Variants in OSBPL1A observed in about 807,000 individuals in gnomAD.
The protein encoded by OSBPL1A is oxysterol binding protein like 1A.
OSBPL1A carries 80 observed loss-of-function variants against 137.1 expected under a neutral mutation model. The ratio of observed to expected loss-of-function variants is 0.58; its 90% CI spans 0.49 to 0.70. The LOEUF (loss-of-function observed/expected upper bound fraction) is 0.70, where lower values mean the gene tolerates loss of function less well. OSBPL1A is among the 30% of genes least tolerant of loss of function. The pLI is 0.00. For missense variants in OSBPL1A, 970 were observed against 1,129.4 expected (o/e 0.86, Z 2.02); for synonymous variants, 365 against 389.7 (o/e 0.94, Z 0.75).
At chr18:24,284,344 G>A (rs1290143286) in intron 14 of OSBPL1A, among the ~76,000 whole-genome samples, 1 of 152,156 alleles carries the variant, frequency 6.6e-6, no homozygotes, top group Admixed American at 6.5e-5. Context: ...AAAAAGGCCA[G>A]TATGTTGCCT....
chr18:24,290,518 TA>T (rs2090156819), intron 14 of OSBPL1A, among the ~76,000 whole-genome samples: 1 of 151,996 alleles, frequency 6.6e-6, no homozygotes, highest in Non-Finnish European at 1.5e-5. Flanking sequence ...CTGTCTTTAC[TA>T]AAAATACAAA....
At chr18:24,335,950 A>T (rs550547004) in intron 5 of OSBPL1A, among the ~76,000 whole-genome samples, 22 of 152,124 alleles carry the variant, frequency 1.4e-4, no homozygotes, top group African/African-American at 4.6e-4. Context: ...GACAGCCAAG[A>T]CTCTCTGTAG....
intron 14 of OSBPL1A, among the ~76,000 whole-genome samples, chr18:24,282,276 T>C (rs2089977706): frequency 6.6e-6 from 1 of 152,178 alleles, no homozygotes; most frequent in South Asian, 2.1e-4. Flanking sequence ...ACATTAAAAT[T>C]TCCTTTGTAG....
intron 12 of OSBPL1A, among the ~76,000 whole-genome samples, chr18:24,314,047 G>C (rs1401811310): frequency 6.6e-6 from 1 of 152,212 alleles, no homozygotes; most frequent in African/African-American, 2.4e-5. Context: ...AGAGGTTGCA[G>C]TGAGCTGAGA....
chr18:24,179,461 G>A lies in OSBPL1A; in HGVS notation c.1910+277C>T, dbSNP rs536642251. Among the ~76,000 whole-genome samples the A allele has an allele frequency of 1.2e-4, 18 of 150,976 alleles. No homozygotes were observed. The South Asian group carries it at 2.1e-3, about 18-fold the overall frequency. On this transcript the variant is annotated intron_variant, in intron 20 of 27. Coordinates refer to ENST00000319481, the MANE Select transcript of OSBPL1A (RefSeq NM_080597.4). ...AAAAAAAAAAAACAAAACAAAACTC[G>A]ATCATGTCTCATGATCTACATAAGG...
chr18:24,217,924 TGGAA>T (rs1316211665), intron 17 of OSBPL1A, among the ~76,000 whole-genome samples: 3 of 152,106 alleles, frequency 2.0e-5, no homozygotes, highest in African/African-American at 7.2e-5. Context: ...AAAGAACATG[TGGAA>T]TGATACCCCA....
chr18:24,272,206 G>A, intron 15 of OSBPL1A: 4 of 983,630 alleles, frequency 4.1e-6, no homozygotes, highest in Non-Finnish European at 4.8e-6. Context: ...TGTGCGCTCG[G>A]CCCTCTCCTG....
intron 17 of OSBPL1A, among the ~76,000 whole-genome samples, chr18:24,211,689 C>T (rs1406975400): frequency 6.6e-6 from 1 of 151,632 alleles, no homozygotes; most frequent in African/African-American, 2.4e-5. Context: ...TTCGGCCAGG[C>T]GCAGTGTCTC....
At chr18:24,266,236 C>G (rs748692254) in intron 15 of OSBPL1A, among the ~76,000 whole-genome samples, 1 of 152,152 alleles carries the variant, frequency 6.6e-6, no homozygotes, top group Non-Finnish European at 1.5e-5. Flanking sequence ...GCTTTCCCCA[C>G]GCTCTCCCTG....
rs1331265849 is a variant in OSBPL1A at position 24,162,606 on chromosome 18, T to C, written c.*573A>G. On this transcript the variant is annotated 3_prime_UTR_variant, in exon 28 of 28. Transcript: ENST00000319481. The stretch of plus-strand genomic sequence containing the variant: ...AGAATTTTCAAATCAGAAATATCTA[T>C]TCTGAATATTCAGGCATTTTTTTTC... The C allele has an allele frequency of 6.6e-6, 1 of 152,240 alleles. No homozygotes were observed. Among genetic ancestry groups the C allele is most frequent in the Non-Finnish European group, 1.5e-5 (1 of 68,052 alleles). 9.4% of individuals were successfully genotyped at this position (152,240 alleles called of 1,614,324 possible). A position where few individuals can be genotyped will look rare whatever the true frequency, so the allele number is the denominator to read the frequency against.
intron 11 of OSBPL1A, among the ~76,000 whole-genome samples, chr18:24,316,530 A>T (rs1274721253): frequency 6.6e-6 from 1 of 152,244 alleles, no homozygotes; most frequent in Non-Finnish European, 1.5e-5. Flanking sequence ...CATATCAGAC[A>T]AAATAAATTT....
intron 4 of OSBPL1A, among the ~76,000 whole-genome samples, chr18:24,349,803 T>C (rs1229467655): frequency 6.6e-6 from 1 of 151,286 alleles, no homozygotes; most frequent in Non-Finnish European, 1.5e-5. Context: ...CAACCACAGA[T>C]GAGAACACAG....
intron 5 of OSBPL1A, among the ~76,000 whole-genome samples, chr18:24,339,396 G>A (rs138160005): frequency 1.2e-3 from 186 of 152,266 alleles, no homozygotes; most frequent in African/African-American, 4.2e-3. Context: ...ATTATATGTG[G>A]GTAAGGTGCT....
rs2089433656 is a variant in OSBPL1A, at chr18:24,261,019, T to C, written c.1281+19823A>G. Among the ~76,000 whole-genome samples, 2 of 152,100 alleles carry C rather than the reference T, an allele frequency of 1.3e-5. 1 individual carries two copies. The highest frequency in any genetic ancestry group is 4.1e-4 in the South Asian group (2 of 4,832). ...AACAACCTAAATATCCATCAACATG[T>C]GAATGGATAAACTGTGGTACAGCCA... On this transcript the variant is annotated intron_variant, in intron 15 of 27. Coordinates refer to ENST00000319481, the MANE Select transcript of OSBPL1A (RefSeq NM_080597.4).
At chr18:24,295,206 A>T (rs1235018544) in intron 14 of OSBPL1A, among the ~76,000 whole-genome samples, 1 of 152,112 alleles carries the variant, frequency 6.6e-6, no homozygotes, top group African/African-American at 2.4e-5. Context: ...GGTCAACTGT[A>T]TATCTTCTTT....
intron 4 of OSBPL1A, among the ~76,000 whole-genome samples, chr18:24,350,920 T>G (rs1253931789): frequency 5.3e-5 from 8 of 151,884 alleles, no homozygotes; most frequent in Non-Finnish European, 1.0e-4. Context: ...GAGGAAGACA[T>G]GGGGCCCAGG....
intron 17 of OSBPL1A, among the ~76,000 whole-genome samples, chr18:24,220,527 C>T (rs527515161): frequency 6.6e-6 from 1 of 152,198 alleles, no homozygotes; most frequent in Admixed American, 6.5e-5. Context: ...CTCCAGCCCC[C>T]AGCCCTCACC....
At chr18:24,379,607 G>GA (rs1906440577) in intron 1 of OSBPL1A, among the ~76,000 whole-genome samples, 1 of 151,686 alleles carries the variant, frequency 6.6e-6, no homozygotes, top group African/African-American at 2.4e-5. Context: ...GAGAGACAGA[G>GA]AAAATAAAGA....
intron 1 of OSBPL1A, 141 bp from the exon 2 acceptor site, chr18:24,377,676 G>T: frequency 2.3e-6 from 2 of 877,844 alleles, no homozygotes; most frequent in East Asian, 2.7e-5. Flanking sequence ...ATCCGTTGCA[G>T]GGTGAGAACT....
Sources: gnomAD v4.1 joint callset for allele counts (sites outside exome capture counted in the v4.1 genomes callset) on GRCh38, gnomAD v4.1.1 for gene constraint, MANE v1.5 for transcripts, NCBI Gene and HGNC (gene_info 2026-07-23, HGNC 2026-07-21) for gene names.